Variants in ETFA observed in about 807,000 individuals in gnomAD.
The protein encoded by ETFA is electron transfer flavoprotein subunit alpha, mitochondrial.
ETFA carries 22 observed loss-of-function variants against 46.2 expected under a neutral mutation model. That is an observed-to-expected ratio of 0.48 (90% CI 0.34 to 0.68). ETFA has a LOEUF of 0.68. Ranked by LOEUF, ETFA falls within the 30% of genes least tolerant of loss-of-function variation. The pLI is 0.01. For synonymous variants in ETFA, 131 were observed against 139.9 expected (o/e 0.94, Z 0.45); for missense variants, 345 against 401.1 (o/e 0.86, Z 1.19).
chr15:76,289,923 A>G (rs2039742697), intron 4 of ETFA, among the ~76,000 whole-genome samples: 1 of 152,212 alleles, frequency 6.6e-6, no homozygotes, highest in South Asian at 2.1e-4. Context: ...TCATGGTCTA[A>G]CACTCTGTTA....
At chr15:76,310,629 C>T (rs183461950) in intron 1 of ETFA, among the ~76,000 whole-genome samples, 116 of 152,300 alleles carry the variant, frequency 7.6e-4, no homozygotes, top group Non-Finnish European at 5.9e-5. Context: ...ACTAATGAAA[C>T]ACTGAAAATG....
chr15:76,231,260 T>A, intron 10 of ETFA, 73 bp downstream of exon 10: 4 of 921,942 alleles, frequency 4.3e-6, no homozygotes, highest in African/African-American at 1.6e-5. Flanking sequence ...TGTAACTACA[T>A]GGAAACATAC....
chr15:76,311,442 CTGG>C lies in ETFA; in HGVS notation c.-57_-55del. ...TTACAGCAGCCCCGTGCCCGGCCAA[CTGG>C]CGCCGCCTCAGCCAGTCACCTAATG... On this transcript the variant is annotated 5_prime_UTR_variant, in exon 1 of 12. Transcript: ENST00000557943. The C allele has an allele frequency of 6.5e-7, 1 of 1,541,628 alleles. No homozygotes were observed.
chr15:76,266,448 G>A (rs955519182), intron 9 of ETFA, among the ~76,000 whole-genome samples: 1 of 152,186 alleles, frequency 6.6e-6, no homozygotes, highest in Non-Finnish European at 1.5e-5. Context: ...TTACATGGAT[G>A]ATATTTTGTG....
chr15:76,310,465 T>C (rs144035645), intron 1 of ETFA, among the ~76,000 whole-genome samples: 3 of 151,364 alleles, frequency 2.0e-5, no homozygotes, highest in African/African-American at 7.3e-5. Context: ...TTCACCTAAA[T>C]GTAAACTAGG....
At chr15:76,260,782 A>G (rs543907382) in intron 9 of ETFA, 1 of 1,604,434 alleles carries the variant, frequency 6.2e-7, no homozygotes, top group South Asian at 1.1e-5. Flanking sequence ...CAGTCAGCAT[A>G]AGGAGAGGGC....
At chr15:76,301,064 T>C (rs1475138709) in intron 1 of ETFA, among the ~76,000 whole-genome samples, 1 of 152,180 alleles carries the variant, frequency 6.6e-6, no homozygotes, top group Non-Finnish European at 1.5e-5. Context: ...AAAATGGAGA[T>C]GATGATAATA....
At chr15:76,224,895 T>C (rs975780932) in intron 11 of ETFA, among the ~76,000 whole-genome samples, 2 of 152,284 alleles carry the variant, frequency 1.3e-5, no homozygotes, top group South Asian at 4.1e-4. Context: ...CAGGTGCTCA[T>C]CACCTGTAAT....
intron 9 of ETFA, among the ~76,000 whole-genome samples, chr15:76,236,669 T>C (rs1018510642): frequency 5.2e-4 from 79 of 152,270 alleles, no homozygotes; most frequent in African/African-American, 1.9e-3. Flanking sequence ...AGATTAGCAT[T>C]AGAGGCAGCA....
At chr15:76,233,307 T>C (rs1023563731) in intron 9 of ETFA, among the ~76,000 whole-genome samples, 3 of 149,102 alleles carry the variant, frequency 2.0e-5, no homozygotes, top group African/African-American at 7.4e-5. Flanking sequence ...ATTTAAGATT[T>C]AGAAGTAATT....
chr15:76,234,399 C>T (rs1321889268), intron 9 of ETFA, among the ~76,000 whole-genome samples: 1 of 152,252 alleles, frequency 6.6e-6, no homozygotes, highest in African/African-American at 2.4e-5. Flanking sequence ...ACACAAAACT[C>T]TCTACAGATG....
intron 9 of ETFA, chr15:76,259,865 T>C (rs2039386825): frequency 7.3e-7 from 1 of 1,364,704 alleles, no homozygotes; most frequent in African/African-American, 1.4e-5. Flanking sequence ...CAGGAAGGCG[T>C]GCAGGTCCCC....
intron 9 of ETFA, among the ~76,000 whole-genome samples, chr15:76,271,365 G>A (rs1348305220): frequency 6.6e-6 from 1 of 152,132 alleles, no homozygotes; most frequent in Non-Finnish European, 1.5e-5. Flanking sequence ...CATCTGATAG[G>A]ATGAGGTATC....
chr15:76,258,684 C>T (rs1344526170), intron 9 of ETFA, among the ~76,000 whole-genome samples: 2 of 152,188 alleles, frequency 1.3e-5, no homozygotes, highest in Non-Finnish European at 2.9e-5. Flanking sequence ...GCCATCCACA[C>T]CCATGGTAAC....
chr15:76,302,034 C>T (rs1456558432), intron 1 of ETFA, among the ~76,000 whole-genome samples: 1 of 152,152 alleles, frequency 6.6e-6, no homozygotes, highest in Non-Finnish European at 1.5e-5. Context: ...ACTGACAATA[C>T]CAAATGCTAG....
chr15:76,232,715 A>G (rs570683982), intron 9 of ETFA, among the ~76,000 whole-genome samples: 1 of 152,342 alleles, frequency 6.6e-6, no homozygotes, highest in African/African-American at 2.4e-5. Flanking sequence ...GGCCACATAC[A>G]AGTCAATTCA....
intron 1 of ETFA, among the ~76,000 whole-genome samples, chr15:76,297,914 G>T (rs1475622814): frequency 6.6e-6 from 1 of 152,108 alleles, no homozygotes; most frequent in Non-Finnish European, 1.5e-5. Flanking sequence ...CTCTAGGCAT[G>T]GTTATGCGGC....
chr15:76,222,534 G>A (rs1433129732), intron 11 of ETFA, among the ~76,000 whole-genome samples: 2 of 152,116 alleles, frequency 1.3e-5, no homozygotes, highest in African/African-American at 4.8e-5. Flanking sequence ...TACTCTGTAG[G>A]TTCCTAGAGT....
At chr15:76,253,348 AT>A (rs904715260) in intron 9 of ETFA, among the ~76,000 whole-genome samples, 6 of 152,248 alleles carry the variant, frequency 3.9e-5, no homozygotes, top group South Asian at 2.1e-4. Context: ...AGTATTACAT[AT>A]TTTTTTCAAA....
Sources: gnomAD v4.1 joint callset for allele counts (sites outside exome capture counted in the v4.1 genomes callset) on GRCh38, gnomAD v4.1.1 for gene constraint, MANE v1.5 for transcripts, NCBI Gene and HGNC (gene_info 2026-07-23, HGNC 2026-07-21) for gene names.